The following NRXN1 variants were observed in gnomAD, a reference collection of about 807,000 sequenced individuals.
The protein encoded by NRXN1 is neurexin-1.
Under a neutral mutation model 150.9 loss-of-function variants are expected in NRXN1, and 39 were observed. That is an observed-to-expected ratio of 0.26 (90% CI 0.20 to 0.34). The LOEUF (loss-of-function observed/expected upper bound fraction) is 0.34, where lower values mean the gene tolerates loss of function less well. NRXN1 is among the 10% of genes least tolerant of loss of function. The pLI is 1.00. For synonymous variants in NRXN1, 924 were observed against 757.0 expected, an observed-to-expected ratio of 1.22 and a Z score of -3.62; for missense variants, 1,815 against 1,949.9, an observed-to-expected ratio of 0.93 and a Z score of 1.30.
chr2:50,522,296 T>C (rs2092809832), intron 12 of NRXN1, among the ~76,000 whole-genome samples: 1 of 152,212 alleles, frequency 6.6e-6, no homozygotes, highest in Admixed American at 6.5e-5. Flanking sequence ...TTCTTGGATT[T>C]TATAATACTT....
intron 2 of NRXN1, among the ~76,000 whole-genome samples, chr2:51,014,452 A>C: frequency 6.6e-6 from 1 of 152,186 alleles, no homozygotes; most frequent in African/African-American, 2.4e-5. Flanking sequence ...ATATTCATTA[A>C]ACTTAAGGGA....
At chr2:50,465,625 G>A in intron 16 of NRXN1, 64 bp from the exon 17 acceptor site, 2 of 1,512,396 alleles carry the variant, frequency 1.3e-6, no homozygotes, top group Non-Finnish European at 1.8e-6. Context: ...TTATACATGA[G>A]CTAGATCACA....
intron 5 of NRXN1, among the ~76,000 whole-genome samples, chr2:50,902,491 G>A (rs1286532094): frequency 1.3e-5 from 2 of 152,026 alleles, no homozygotes; most frequent in Admixed American, 1.3e-4. Flanking sequence ...GCTTATCTTG[G>A]AAAACACTAC....
chr2:50,234,092 T>A (rs1475649180), intron 18 of NRXN1, among the ~76,000 whole-genome samples: 1 of 152,106 alleles, frequency 6.6e-6, no homozygotes, highest in African/African-American at 2.4e-5. Context: ...CTAATTCCTC[T>A]TTCTTTTATT....
intron 17 of NRXN1, among the ~76,000 whole-genome samples, chr2:50,379,470 G>C (rs926830207): frequency 2.0e-5 from 3 of 152,128 alleles, no homozygotes; most frequent in Admixed American, 1.3e-4. Flanking sequence ...AGTCTCGCTT[G>C]CAGGTAGAGT....
intron 18 of NRXN1, among the ~76,000 whole-genome samples, chr2:50,209,039 T>G (rs1915227): frequency 0.27 from 40,698 of 151,946 alleles, 5,868 homozygotes; most frequent in East Asian, 0.43. Flanking sequence ...GCCCAAGCCT[T>G]AAGTCAAAAA....
At chr2:50,448,162 G>A (rs2086628226) in intron 17 of NRXN1, among the ~76,000 whole-genome samples, 1 of 152,038 alleles carries the variant, frequency 6.6e-6, no homozygotes, top group South Asian at 2.1e-4. Context: ...GATTAGCAAA[G>A]CAGGGGTTAG....
At chr2:50,465,403 C>T (rs1573085735) in intron 17 of NRXN1, 39 bp downstream of exon 17, 2 of 1,548,774 alleles carry the variant, frequency 1.3e-6, no homozygotes, top group East Asian at 4.7e-5. Flanking sequence ...TAACTGGAAG[C>T]AACGATGAGT....
At chr2:50,314,172 T>C (rs983147648) in intron 17 of NRXN1, among the ~76,000 whole-genome samples, 5 of 152,114 alleles carry the variant, frequency 3.3e-5, no homozygotes, top group Admixed American at 2.0e-4. Context: ...TGGTAGACGC[T>C]AGTCCTCCTC....
At chr2:50,404,804 A>C (rs949228235) in intron 17 of NRXN1, among the ~76,000 whole-genome samples, 3 of 151,908 alleles carry the variant, frequency 2.0e-5, no homozygotes, top group Non-Finnish European at 4.4e-5. Flanking sequence ...AAGAGTTTTG[A>C]CTCCCTGCTC....
At chr2:50,286,622 G>A (rs1382954843) in intron 17 of NRXN1, among the ~76,000 whole-genome samples, 2 of 152,038 alleles carry the variant, frequency 1.3e-5, no homozygotes, top group South Asian at 2.1e-4. Flanking sequence ...ATGTGAAGAG[G>A]TAGAATGATA....
At chr2:51,006,924 T>A (rs1259253664) in intron 2 of NRXN1, among the ~76,000 whole-genome samples, 1 of 151,956 alleles carries the variant, frequency 6.6e-6, no homozygotes, top group Admixed American at 6.6e-5. Context: ...ATCATTACTG[T>A]TCATCACTCT....
intron 22 of NRXN1, 117 bp from the exon 23 acceptor site, chr2:49,922,368 T>C: frequency 1.8e-5 from 19 of 1,076,832 alleles, no homozygotes; most frequent in South Asian, 1.5e-4. Flanking sequence ...AGGAAAGGTA[T>C]GCTATTGATA....
chr2:50,268,344 C>T (rs1430450962), intron 17 of NRXN1, among the ~76,000 whole-genome samples: 5 of 152,132 alleles, frequency 3.3e-5, no homozygotes, highest in Admixed American at 2.6e-4. Flanking sequence ...TTACTAGTTC[C>T]TTAAGTACAC....
chr2:50,700,620 T>C (rs1414195225), intron 5 of NRXN1, among the ~76,000 whole-genome samples: 1 of 152,172 alleles, frequency 6.6e-6, no homozygotes, highest in Admixed American at 6.5e-5. Flanking sequence ...GACTATTAAC[T>C]AGGCTCTAAT....
In NRXN1 at chr2:51,027,771, T is replaced by C. The variant is rs200625614; in HGVS notation, c.503A>G (p.Lys168Arg). Residue 168 changes from lysine to arginine, a missense_variant, in exon 2 of 23, where the codon AAG becomes AGG. Lys to Arg is a conservative substitution (Grantham distance 26). Transcript: ENST00000401669. ...CTCCCTCACCGAGGCCAGGGTGAGC[T>C]TGAGCGCCGCGGCGCGCAGTTCCGG... The part of the protein sequence containing the change: ...LPPELRAAAL[K>R]LTLASVRERE... 45 of 1,612,442 alleles carry C rather than the reference T, an allele frequency of 2.8e-5. No homozygotes were observed. Among genetic ancestry groups the C allele is most frequent in the Non-Finnish European group, 3.5e-5 (41 of 1,179,376 alleles).
At position 50,623,569 on chromosome 2, in the gene NRXN1, G is replaced by C. The variant is rs1405726693; in HGVS notation, c.879C>G (p.Cys293Trp). The change falls in exon 6 of 23, where the codon TGC becomes TGG. Residue 293 changes from cysteine to tryptophan, a missense_variant. By Grantham distance (215) the Cys-to-Trp change is radical. Around this residue, in one of 6 missense-constraint regions of NRXN1, gnomAD observed 554 missense variants for 478.8 expected, o/e 1.16. Transcript: ENST00000401669. ...IATFKGSEYF[C>W]YDLSQNPIQS... Reference sequence around the variant, plus strand: ...GAATGGGGTTTTGAGACAAGTCGTAGCAGAAGTATTCAGATCCTTTGAACG... The same window carrying C: ...GAATGGGGTTTTGAGACAAGTCGTACCAGAAGTATTCAGATCCTTTGAACG... 3.1e-6 allele frequency: 5 copies of C among 1,613,126 alleles called. No individual in the cohort carries two copies. Among genetic ancestry groups the C allele is most frequent in the South Asian group, 1.1e-5 (1 of 91,062 alleles).
chr2:50,017,759 G>T (rs1009248979), intron 21 of NRXN1, among the ~76,000 whole-genome samples: 1 of 150,588 alleles, frequency 6.6e-6, no homozygotes, highest in African/African-American at 2.4e-5. Context: ...AGGTTGGAAA[G>T]CACATATTTA....
At chr2:50,706,992 A>G (rs1200495994) in intron 5 of NRXN1, among the ~76,000 whole-genome samples, 1 of 152,134 alleles carries the variant, frequency 6.6e-6, no homozygotes, top group Non-Finnish European at 1.5e-5. Flanking sequence ...ATGAACTTAC[A>G]CATGGTTTAG....
Sources: gnomAD v4.1 joint callset for allele counts (sites outside exome capture counted in the v4.1 genomes callset) on GRCh38, gnomAD v4.1.1 for gene constraint, gnomAD v4.1.1 regional missense constraint, MANE v1.5 for transcripts, NCBI Gene and HGNC (gene_info 2026-07-23, HGNC 2026-07-21) for gene names.